Variants in CLIC5 observed in about 807,000 individuals in gnomAD.
CLIC5 encodes CLIC family member 5, also known as chloride intracellular channel protein 5.
Under a neutral mutation model 24.7 loss-of-function variants are expected in CLIC5, and 20 were observed. The ratio of observed to expected loss-of-function variants is 0.81; its 90% CI spans 0.57 to 1.18. The LOEUF (loss-of-function observed/expected upper bound fraction) is 1.18. Among genes scored for constraint, CLIC5 ranks in the 50% most tolerant of loss-of-function variants. The probability of loss-of-function intolerance (pLI) is 0.00; values close to 1 mark genes in which losing one functional copy is unlikely to be tolerated. For synonymous variants in CLIC5, 159 were observed against 135.6 expected (o/e 1.17, Z -1.20); for missense variants, 341 against 326.1 (o/e 1.05, Z -0.35).
At position 45,892,931 on chromosome 6, in the gene CLIC5, A is replaced by G. The variant is rs4260751; in HGVS notation, c.624-11743T>C. 3.3e-5 allele frequency among the ~76,000 whole-genome samples: 5 copies of G among 152,106 alleles called. No individual in the cohort carries two copies. In the East Asian group the frequency reaches 7.7e-4, roughly 23 times the overall value. On this transcript the variant is annotated intron_variant, in intron 6 of 6. Transcript: ENST00000644324. The stretch of plus-strand genomic sequence containing the variant: ...TTGACTTTGGAGCTCCTTGCAAGGT[A>G]CTCCAAAAAAGCATTTTAAAATAGT...
chr6:46,095,385 G>T, the CLIC5 span, among the ~76,000 whole-genome samples: 4 of 152,138 alleles, frequency 2.6e-5, no homozygotes, highest in Admixed American at 2.6e-4. Context: ...TTTATGCTCT[G>T]CTTCCCTTTT....
At chr6:45,941,473 A>G in intron 4 of CLIC5, 74 bp downstream of exon 4, 2 of 1,144,388 alleles carry the variant, frequency 1.7e-6, no homozygotes, top group East Asian at 2.3e-5. Flanking sequence ...TGACATGCCT[A>G]TGGGCAAATT....
the CLIC5 span, among the ~76,000 whole-genome samples, chr6:46,093,543 G>GAA: frequency 6.6e-6 from 1 of 152,072 alleles, no homozygotes; most frequent in African/African-American, 2.4e-5. Flanking sequence ...TGTAACAGAG[G>GAA]AAAAGCAAAA....
At position 46,076,715 on chromosome 6, in the gene CLIC5, A is replaced by T. The variant is rs72858632; in HGVS notation, c.540+2988T>A. Among the ~76,000 whole-genome samples the T allele has an allele frequency of 7.2e-3, 1,090 of 152,312 alleles. 8 individuals carry two copies. Among genetic ancestry groups the T allele is most frequent in the Non-Finnish European group, 0.011 (746 of 68,028 alleles). On this transcript the variant is annotated intron_variant, in intron 1 of 5. Transcript: ENST00000185206. ...CTTTTAATCCACTAAGTTTTAGGTA[A>T]TTTGTTAGAGCAGAAATAAGAAATT...
chr6:46,128,513 C>A, the CLIC5 span, among the ~76,000 whole-genome samples: 1 of 152,222 alleles, frequency 6.6e-6, no homozygotes, highest in Non-Finnish European at 1.5e-5. Flanking sequence ...AATTGGGGTA[C>A]TTTTTTGGTC....
downstream of CLIC5, among the ~76,000 whole-genome samples, chr6:45,898,146 C>T (rs1762422518): frequency 6.6e-6 from 1 of 152,080 alleles, no homozygotes; most frequent in Admixed American, 6.6e-5. Flanking sequence ...AATCTCAGCT[C>T]ACTGCAGCCT....
At chr6:46,040,137 T>A (rs1220092210) in intron 1 of CLIC5, among the ~76,000 whole-genome samples, 4 of 152,222 alleles carry the variant, frequency 2.6e-5, no homozygotes, top group Non-Finnish European at 4.4e-5. Flanking sequence ...ATCTGGCACA[T>A]ATTGAATGTT....
the CLIC5 span, among the ~76,000 whole-genome samples, chr6:46,088,934 T>A: frequency 2.0e-5 from 3 of 152,230 alleles, no homozygotes; most frequent in Non-Finnish European, 4.4e-5. Flanking sequence ...ATGGTGACTT[T>A]ACAAAGCACA....
chr6:45,927,241 A>G (rs1763535606), intron 4 of CLIC5, among the ~76,000 whole-genome samples: 1 of 152,140 alleles, frequency 6.6e-6, no homozygotes, highest in African/African-American at 2.4e-5. Flanking sequence ...TGGGGTGACA[A>G]TGATGAAGGA....
chr6:46,001,475 C>CCCATAT (rs1766356895), intron 1 of CLIC5, among the ~76,000 whole-genome samples: 1 of 152,144 alleles, frequency 6.6e-6, no homozygotes. Context: ...GATACCAGGT[C>CCCATAT]CCTTGGCTTG....
At chr6:45,994,448 C>T (rs1434520011) in intron 1 of CLIC5, among the ~76,000 whole-genome samples, 1 of 151,982 alleles carries the variant, frequency 6.6e-6, no homozygotes, top group East Asian at 1.9e-4. Flanking sequence ...AACGAAAACA[C>T]ATGGACACAG....
chr6:45,981,552 T>C (rs907103663), intron 1 of CLIC5, among the ~76,000 whole-genome samples: 1 of 152,208 alleles, frequency 6.6e-6, no homozygotes, highest in African/African-American at 2.4e-5. Flanking sequence ...CTGTAAGCAG[T>C]TGATACTCAA....
chr6:46,028,920 T>C lies in CLIC5; in HGVS notation c.540+50783A>G, dbSNP rs1446434889. ...ACATGTGTCTATCATTATAGTATCCTATGGAGTATTTTCACCGCCCTAAAT... is the reference window on the plus strand; with the variant it reads ...ACATGTGTCTATCATTATAGTATCCCATGGAGTATTTTCACCGCCCTAAAT... On this transcript the variant is annotated intron_variant, in intron 1 of 5. Coordinates refer to the CLIC5 transcript ENST00000185206. Among the ~76,000 whole-genome samples, 3 of 152,310 alleles carry C rather than the reference T, an allele frequency of 2.0e-5. No individual in the cohort carries two copies. In the East Asian group the frequency reaches 5.8e-4, roughly 29 times the overall value.
intron 1 of CLIC5, among the ~76,000 whole-genome samples, chr6:46,029,173 A>T (rs1392679363): frequency 1.3e-5 from 2 of 152,228 alleles, no homozygotes; most frequent in African/African-American, 2.4e-5. Flanking sequence ...CAATGAGCAC[A>T]GTGCCTTACA....
chr6:46,026,192 T>G (rs546792008), intron 1 of CLIC5, among the ~76,000 whole-genome samples: 2 of 152,300 alleles, frequency 1.3e-5, no homozygotes, highest in South Asian at 2.1e-4. Flanking sequence ...ACAGCATTGG[T>G]CTAGCCTGAA....
At chr6:45,961,093 A>G (rs1441243431) in intron 1 of CLIC5, among the ~76,000 whole-genome samples, 3 of 152,196 alleles carry the variant, frequency 2.0e-5, no homozygotes, top group African/African-American at 7.2e-5. Flanking sequence ...AAAATGTAAG[A>G]TTTTTGTGAC....
At position 45,891,675 on chromosome 6, in the gene CLIC5, G is replaced by A. The variant is rs369203217; in HGVS notation, c.624-10487C>T. Among the ~76,000 whole-genome samples, 7 of 151,602 alleles carry A rather than the reference G, an allele frequency of 4.6e-5. No individual in the cohort carries two copies. In the East Asian group the frequency reaches 1.2e-3, roughly 25 times the overall value. The stretch of plus-strand genomic sequence containing the variant: ...AATGTGTATGTGCCATATGATGCAT[G>A]TGTAAGTGTGTATATGTGCATGGAA... On this transcript the variant is annotated intron_variant, in intron 6 of 6. Transcript: ENST00000644324.
chr6:46,011,919 A>C (rs1441014846), intron 1 of CLIC5, among the ~76,000 whole-genome samples: 2 of 152,202 alleles, frequency 1.3e-5, no homozygotes, highest in African/African-American at 2.4e-5. Flanking sequence ...CCCCAAGGCA[A>C]ATCAGGGACG....
At chr6:46,014,699 G>T (rs1162901867) in intron 1 of CLIC5, 1 of 152,174 alleles carries the variant, frequency 6.6e-6, no homozygotes, top group Non-Finnish European at 1.5e-5. Context: ...CCGCAGCCTC[G>T]CCTCCATCCT....
Sources: allele counts gnomAD v4.1 joint callset (sites outside exome capture counted in the v4.1 genomes callset), GRCh38; gene constraint gnomAD v4.1.1; transcripts MANE v1.5; gene names NCBI Gene and HGNC (gene_info 2026-07-23, HGNC 2026-07-21).